The following WDR83 variants were observed in gnomAD, a reference collection of about 807,000 sequenced individuals.
WDR83 encodes the protein WD repeat domain-containing protein 83.
A neutral mutation model predicts 37.7 loss-of-function variants in WDR83; 37 were observed. The ratio of observed to expected loss-of-function variants is 0.98; its 90% CI spans 0.76 to 1.29. The LOEUF is 1.29. Among genes scored for constraint, WDR83 ranks in the 50% most tolerant of loss-of-function variants. WDR83 has a pLI of 0.00. For missense variants in WDR83, 445 were observed against 414.4 expected, an observed-to-expected ratio of 1.07 and a Z score of -0.64; for synonymous variants, 174 against 181.1, an observed-to-expected ratio of 0.96 and a Z score of 0.31.
At chr19:12,669,678 C>T (rs1196418126) in intron 2 of WDR83, 77 bp from the exon 3 acceptor site, 2 of 1,189,374 alleles carry the variant, frequency 1.7e-6, no homozygotes, top group East Asian at 4.8e-5. Context: ...AAGTGATAAA[C>T]AGGAAGTAGG....
chr19:12,668,698 C>A (rs1402061062), intron 2 of WDR83, 71 bp downstream of exon 2: 2 of 1,175,560 alleles, frequency 1.7e-6, no homozygotes, highest in Non-Finnish European at 2.5e-6. Context: ...GACACCAGAT[C>A]ATGCCCACTG....
rs1209959604 is a variant in WDR83 at position 12,670,766 on chromosome 19, G to A, written c.451G>A (p.Glu151Lys). ...RRPEPVQTLD[E>K]ARDGVSSVKV... ...GCCTGAGCCAGTGCAGACGCTGGAT[G>A]AGGCCAGAGATGGCGTGTCCAGTGT... is the stretch of plus-strand genomic sequence containing the variant. Residue 151 changes from glutamate (E) to lysine (K), a missense_variant, in exon 7 of 11, where the codon GAG (glutamate) becomes AAG (lysine). Physicochemically the swap from Glu to Lys is moderately conservative, Grantham distance 56. Coordinates refer to ENST00000418543, the MANE Select transcript of WDR83 (RefSeq NM_001099737.3). 1 of 1,614,068 alleles carries A rather than the reference G, an allele frequency of 6.2e-7. No individual in the cohort carries two copies. Among genetic ancestry groups the A allele is most frequent in the African/African-American group, 1.3e-5 (1 of 74,940 alleles).
intron 10 of WDR83, among the ~76,000 whole-genome samples, chr19:12,674,841 C>T (rs2024524222): frequency 1.3e-5 from 2 of 152,134 alleles, no homozygotes; most frequent in African/African-American, 4.8e-5. Flanking sequence ...CCCGGCCAGG[C>T]ATGGTGGTTC....
At chr19:12,669,566 A>G in intron 2 of WDR83, 189 bp from the exon 3 acceptor site, 1 of 986,312 alleles carries the variant, frequency 1.0e-6, no homozygotes, top group South Asian at 1.6e-5. Context: ...ATTTAGGAGA[A>G]GCCAGAAGTC....
chr19:12,669,831 C>T lies in WDR83; in HGVS notation c.41C>T (p.Pro14Leu), dbSNP rs374993092. 2 of 1,611,856 alleles carry T rather than the reference C, an allele frequency of 1.2e-6. No individual in the cohort carries two copies. Among genetic ancestry groups the T allele is most frequent in the African/African-American group, 2.7e-5 (2 of 74,852 alleles). Residue 14 changes from proline (P) to leucine (L), a missense_variant, in exon 3 of 11, where the codon CCG becomes CTG. By Grantham distance (98) the Pro-to-Leu change is moderately conservative (BLOSUM62 -3). Transcript: ENST00000418543. Reference sequence around the variant, plus strand: ...CCAAAGCCGCGGCCTCCAGAGCTGCCGCAGAAACGGTTGAAGACGCTGGAC... The same window carrying T: ...CCAAAGCCGCGGCCTCCAGAGCTGCTGCAGAAACGGTTGAAGACGCTGGAC... The part of the protein sequence containing the change: ...PEPKPRPPEL[P>L]QKRLKTLDCG...
rs144797145 is a variant in WDR83, at chr19:12,671,629, T to C, written c.506+808T>C. Among the ~76,000 whole-genome samples the C allele has an allele frequency of 2.4e-3, 363 of 152,074 alleles. 5 individuals are homozygous for C. The highest frequency in any genetic ancestry group is 8.2e-3 in the African/African-American group (339 of 41,400). ...ATCGCACCACTACACTCCTGGGCGA[T>C]AGAGCAAGACTCCGTCTCAAAATAA... On this transcript the variant is annotated intron_variant, in intron 7 of 10. Coordinates refer to ENST00000418543, the MANE Select transcript of WDR83 (RefSeq NM_001099737.3).
At position 12,669,875 on chromosome 19, in the gene WDR83, C is replaced by A; in HGVS notation, c.85C>A (p.Arg29=). ...KTLDCGQGAV[R]AVRFNVDGNY... ...GCTGGACTGCGGGCAGGGGGCAGTG[C>A]GAGCCGTACGATTTAATGGTGAGCG... Residue 29 remains arginine (R), a synonymous_variant, in exon 3 of 11, where the codon CGA becomes AGA. Coordinates refer to ENST00000418543, the MANE Select transcript of WDR83 (RefSeq NM_001099737.3). 6.2e-7 allele frequency: 1 copy of A among 1,610,454 alleles called. No individual in the cohort carries two copies.
chr19:12,672,915 G>C lies in WDR83; in HGVS notation c.574+1G>C, dbSNP rs1296549573. ...CAGCTCTTCTCAGACTACGTGGGCA[G>C]TGAGTGTGGCTGGGGATGTGGGACA... On this transcript the variant is annotated splice_donor_variant, in intron 8 of 10. Coordinates refer to ENST00000418543, the MANE Select transcript of WDR83 (RefSeq NM_001099737.3). LOFTEE classifies it high-confidence loss of function. 1.3e-6 allele frequency: 2 copies of C among 1,599,846 alleles called. No individual in the cohort carries two copies. The highest frequency in any genetic ancestry group is 1.7e-6 in the Non-Finnish European group (2 of 1,173,214).
chr19:12,670,609 CCGGTGAGT>C lies in WDR83; in HGVS notation c.379_379+7del, dbSNP rs2024384125. 6.2e-7 allele frequency: 1 copy of C among 1,614,230 alleles called. No homozygotes were observed. Among genetic ancestry groups the C allele is most frequent in the Non-Finnish European group, 8.5e-7 (1 of 1,180,036 alleles). On this transcript the variant is annotated splice_donor_variant and splice_donor_5th_base_variant and coding_sequence_variant and intron_variant, in exon 6 of 11. Transcript: ENST00000418543. LOFTEE classifies it high-confidence loss of function. ...AATGAAGAGGCCACAGTTATCCTGT[CCGGTGAGT>C]CTGGGGCCTAAGCACGGGGGCCCAG...
At chr19:12,669,314 C>G (rs985166921) in intron 2 of WDR83, 1 of 1,606,128 alleles carries the variant, frequency 6.2e-7, no homozygotes, top group African/African-American at 1.3e-5. Context: ...CGATCCACAC[C>G]CACAACCCGA....
intron 10 of WDR83, 92 bp from the exon 11 acceptor site, chr19:12,675,431 C>T (rs2024545636): frequency 6.6e-7 from 1 of 1,518,808 alleles, no homozygotes; most frequent in Admixed American, 2.0e-5. Context: ...CTGAGGGCTT[C>T]AGGCAGGACT....
At chr19:12,668,753 C>A in intron 2 of WDR83, 126 bp downstream of exon 2, 1 of 729,252 alleles carries the variant, frequency 1.4e-6, no homozygotes. Context: ...CGGAATTCCT[C>A]AGTCCCACCT....
In WDR83 at chr19:12,669,236, G is replaced by A. The variant is rs1300634818; in HGVS notation, c.-36-519G>A. 1.9e-6 allele frequency: 3 copies of A among 1,613,886 alleles called. No homozygotes were observed. The African/African-American group carries it at 4.0e-5, about 22-fold the overall frequency. ...ATTCGCTCGGCGGGGGCTTGTACCT[G>A]CGACAGGCTCGAGGGTCAGGGGCGC... On this transcript the variant is annotated intron_variant, in intron 2 of 10. Coordinates refer to ENST00000418543, the MANE Select transcript of WDR83 (RefSeq NM_001099737.3).
At chr19:12,669,448 CA>C in intron 2 of WDR83, 4 of 1,563,958 alleles carry the variant, frequency 2.6e-6, no homozygotes, top group Non-Finnish European at 3.5e-6. Flanking sequence ...GCAGGAATCG[CA>C]GCTTCCGGCG....
At chr19:12,674,827 G>C (rs1465338150) in intron 10 of WDR83, among the ~76,000 whole-genome samples, 3 of 152,066 alleles carry the variant, frequency 2.0e-5, no homozygotes, top group African/African-American at 7.2e-5. Flanking sequence ...ACAAGAAAAA[G>C]ACTCCCGGCC....
At chr19:12,668,692 C>T (rs1364510934) in intron 2 of WDR83, 65 bp downstream of exon 2, 3 of 1,216,410 alleles carry the variant, frequency 2.5e-6, no homozygotes, top group Non-Finnish European at 3.6e-6. Context: ...TTTCCAGACA[C>T]CAGATCATGC....
At chr19:12,671,987 C>T (rs1249209758) in intron 7 of WDR83, among the ~76,000 whole-genome samples, 2 of 152,080 alleles carry the variant, frequency 1.3e-5, no homozygotes, top group Non-Finnish European at 2.9e-5. Flanking sequence ...TGAGCCACCG[C>T]GCCTGGTGGA....
chr19:12,671,029 CAA>C, intron 7 of WDR83: 1 of 716,170 alleles, frequency 1.4e-6, no homozygotes, highest in Non-Finnish European at 2.2e-6. Flanking sequence ...AGACTGTCTA[CAA>C]AATAATAATA....
intron 7 of WDR83, 160 bp downstream of exon 7, chr19:12,670,981 G>A (rs1326284703): frequency 4.5e-6 from 5 of 1,108,720 alleles, no homozygotes; most frequent in Non-Finnish European, 6.3e-6. Flanking sequence ...GAGTCCAAGA[G>A]TTCGAGGCAC....
Sources: allele counts gnomAD v4.1 joint callset (sites outside exome capture counted in the v4.1 genomes callset), GRCh38; gene constraint gnomAD v4.1.1; transcripts MANE v1.5; gene names NCBI Gene and HGNC (gene_info 2026-07-23, HGNC 2026-07-21).